The following ZNF99 variants were observed in gnomAD, a reference collection of about 807,000 sequenced individuals.
The protein encoded by ZNF99 is zinc finger protein 99.
A neutral mutation model predicts 12.8 loss-of-function variants in ZNF99; 8 were observed. The ratio of observed to expected loss-of-function variants is 0.62; its 90% CI spans 0.37 to 1.13. The LOEUF is 1.13. Among genes scored for constraint, ZNF99 ranks in the 50% most tolerant of loss-of-function variants. The pLI is 0.02. For synonymous variants in ZNF99, 318 were observed against 319.0 expected (o/e 1.00, Z 0.03); for missense variants, 1,007 against 1,006.2 (o/e 1.00, Z -0.01).
intron 1 of ZNF99, among the ~76,000 whole-genome samples, chr19:22,775,991 G>A (rs1231011217): frequency 6.6e-6 from 1 of 151,530 alleles, no homozygotes; most frequent in African/African-American, 2.4e-5. Context: ...CACTGCACTC[G>A]AGCCTAGGCA....
In ZNF99 at chr19:22,769,294, C is replaced by A; in HGVS notation, c.34G>T (p.Glu12Ter). 1 of 1,609,158 alleles carries A rather than the reference C, an allele frequency of 6.2e-7. No homozygotes were observed. The highest frequency in any genetic ancestry group is 8.5e-7 in the Non-Finnish European group (1 of 1,177,560). ...GSLTFWDVTIEFALEEWQCLD... is the reference protein window; with the variant it reads ...GSLTFWDVTI Reference sequence around the variant, plus strand: ...CATTGCCACTCCTCCAGAGCGAATTCTATGGTCACATCCCAAAATGTCAAC... The same window carrying A: ...CATTGCCACTCCTCCAGAGCGAATTATATGGTCACATCCCAAAATGTCAAC... Residue 12 changes from glutamate (E) to a stop codon, truncating the protein, a stop_gained, in exon 2 of 4, where the codon GAA becomes TAA. Coordinates refer to ENST00000596209, the MANE Select transcript of ZNF99 (RefSeq NM_001080409.3). LOFTEE classifies it high-confidence loss of function.
intron 3 of ZNF99, among the ~76,000 whole-genome samples, chr19:22,764,514 T>C (rs564807222): frequency 1.4e-4 from 21 of 152,064 alleles, no homozygotes; most frequent in Non-Finnish European, 3.1e-4. Flanking sequence ...TAAAGAGCTT[T>C]TGCATGGCAA....
At chr19:22,769,444 G>A in intron 1 of ZNF99, 120 bp from the exon 2 acceptor site, 1 of 1,120,196 alleles carries the variant, frequency 8.9e-7, no homozygotes, top group Non-Finnish European at 1.2e-6. Flanking sequence ...AGGGATGACT[G>A]AACGTATTCA....
chr19:22,780,051 G>A (rs1017272689), intron 1 of ZNF99, among the ~76,000 whole-genome samples: 2 of 152,078 alleles, frequency 1.3e-5, no homozygotes, highest in Admixed American at 1.3e-4. Context: ...AGGGTTCTGT[G>A]GCTTCCCTCA....
rs1286073014 is a variant in ZNF99, at chr19:22,754,376, A to C, written c.*2938T>G. Reference sequence around the variant, plus strand: ...AGTGAGACTCCATTTCAAAAAAAAAAAAAAAACTTTGCCACATTCTTCACA... The same window carrying C: ...AGTGAGACTCCATTTCAAAAAAAAACAAAAAACTTTGCCACATTCTTCACA... On this transcript the variant is annotated 3_prime_UTR_variant, in exon 4 of 4. Coordinates refer to ENST00000596209, the MANE Select transcript of ZNF99 (RefSeq NM_001080409.3). The C allele has an allele frequency of 4.8e-6, 2 of 420,908 alleles. No individual in the cohort carries two copies. The highest frequency in any genetic ancestry group is 2.1e-5 in the African/African-American group (1 of 47,664). 26.1% of individuals were successfully genotyped at this position (420,908 alleles called of 1,614,324 possible).
At position 22,755,067 on chromosome 19, in the gene ZNF99, CTG is replaced by C. The variant is rs973072581; in HGVS notation, c.*2245_*2246del. ...GAGCCTGGGCAACTAGGGCGAAACT[CTG>C]TTTCAAAAAAAAAAAAAAAAAAATT... On this transcript the variant is annotated 3_prime_UTR_variant, in exon 4 of 4. Transcript: ENST00000596209. The C allele has an allele frequency of 1.5e-4, 12 of 80,174 alleles. No homozygotes were observed. Among genetic ancestry groups the C allele is most frequent in the African/African-American group, 7.0e-4 (10 of 14,288 alleles). The allele number at this position is 80,174 out of a possible 1,614,324, so 5.0% of individuals were successfully genotyped here. A position where few individuals can be genotyped will look rare whatever the true frequency, so the allele number is the denominator to read the frequency against.
At position 22,754,164 on chromosome 19, in the gene ZNF99, C is replaced by G. The variant is rs903446177; in HGVS notation, c.*3150G>C. 1 of 450,474 alleles carries G rather than the reference C, an allele frequency of 2.2e-6. No homozygotes were observed. Among genetic ancestry groups the G allele is most frequent in the East Asian group, 7.0e-5 (1 of 14,280 alleles). The allele number at this position is 450,474 out of a possible 1,614,324, so 27.9% of individuals were successfully genotyped here. ...GGTGGATCACTTGAGGTCAGGAGTT[C>G]AAAACCAGCCTGGTCAAAATGGTGA... On this transcript the variant is annotated 3_prime_UTR_variant, in exon 4 of 4. Transcript: ENST00000596209.
In ZNF99 at chr19:22,754,947, T is replaced by C. The variant is rs1973027651; in HGVS notation, c.*2367A>G. On this transcript the variant is annotated 3_prime_UTR_variant, in exon 4 of 4. Coordinates refer to ENST00000596209, the MANE Select transcript of ZNF99 (RefSeq NM_001080409.3). ...AGGTGGGCGTGGTGGCACATGCCTA[T>C]AGTCCCTGCTACTCGGGAGGCTGAG... 5.7e-6 allele frequency: 1 copy of C among 175,114 alleles called. No individual in the cohort carries two copies. The highest frequency in any genetic ancestry group is 1.3e-4 in the South Asian group (1 of 7,884). 10.8% of individuals were successfully genotyped at this position (175,114 alleles called of 1,614,324 possible).
intron 1 of ZNF99, among the ~76,000 whole-genome samples, chr19:22,783,078 G>C (rs1454188036): frequency 1.3e-5 from 2 of 151,948 alleles, no homozygotes; most frequent in African/African-American, 2.4e-5. Flanking sequence ...TCGGGAGTTC[G>C]AGACCAGCCT....
Position 22,757,573 on chromosome 19 carries a change from T to C in ZNF99, c.2336A>G (p.His779Arg), listed in dbSNP as rs756096543. 6 of 1,611,594 alleles carry C rather than the reference T, an allele frequency of 3.7e-6. No individual in the cohort carries two copies. The highest frequency in any genetic ancestry group is 3.4e-6 in the Non-Finnish European group (4 of 1,179,612). The change falls in exon 4 of 4, where the codon CAT becomes CGT. Residue 779 changes from histidine to arginine, a missense_variant. Physicochemically the swap from His to Arg is conservative, Grantham distance 29. Transcript: ENST00000596209. ...AFKHFSALRK[H>R]KIIHTGKKPY... ...TTTCTTTCCAGTATGAATTATCTTA[T>C]GTTTTCTAAGGGCTGAGAAATGCTT...
intron 1 of ZNF99, among the ~76,000 whole-genome samples, chr19:22,776,726 A>G (rs1486345536): frequency 1.0e-2 from 1,396 of 139,794 alleles, no homozygotes; most frequent in Middle Eastern, 0.018. Flanking sequence ...TTGGGTATAT[A>G]CCCAAAGAAA....
rs1972988277 is a variant in ZNF99 at position 22,752,813 on chromosome 19, TA to T, written c.*4500del. ...CAACTAATATAATACATCACTAATT[TA>T]ATTTTAATTTTAACTAAAATTTTAA... On this transcript the variant is annotated 3_prime_UTR_variant, in exon 4 of 4. Coordinates refer to ENST00000596209, the MANE Select transcript of ZNF99 (RefSeq NM_001080409.3). The T allele has an allele frequency of 6.6e-6, 1 of 151,846 alleles. No homozygotes were observed. Among genetic ancestry groups the T allele is most frequent in the Non-Finnish European group, 1.5e-5 (1 of 67,992 alleles). The allele number at this position is 151,846 out of a possible 1,614,324, so 9.4% of individuals were successfully genotyped here.
intron 1 of ZNF99, among the ~76,000 whole-genome samples, chr19:22,781,963 A>AT (rs1973392683): frequency 6.6e-6 from 1 of 152,026 alleles, no homozygotes; most frequent in African/African-American, 2.4e-5. Flanking sequence ...AAAAAAAAAA[A>AT]GCGGCACAAA....
rs771805794 is a variant in ZNF99 at position 22,756,983 on chromosome 19, TTA to T, written c.*329_*330del. 2.2e-5 allele frequency: 35 copies of T among 1,612,486 alleles called. No homozygotes were observed. In the African/African-American group the frequency reaches 3.2e-4, roughly 15 times the overall value. On this transcript the variant is annotated 3_prime_UTR_variant, in exon 4 of 4. Transcript: ENST00000596209. ...TGGTTTCTCCCCAGTATGAATTATC[TTA>T]TGTTTCCTAAGGGCTGAGAAATTGC... is the stretch of plus-strand genomic sequence containing the variant.
At chr19:22,779,666 A>G (rs961852936) in intron 1 of ZNF99, among the ~76,000 whole-genome samples, 2 of 152,174 alleles carry the variant, frequency 1.3e-5, no homozygotes, top group Admixed American at 1.3e-4. Context: ...GTCAACATAC[A>G]ACCTTATTTT....
intron 1 of ZNF99, among the ~76,000 whole-genome samples, chr19:22,769,739 C>T (rs763792740): frequency 7.0e-6 from 1 of 142,342 alleles, no homozygotes. Context: ...CCAGCCTGGG[C>T]GACAGAGCTA....
chr19:22,770,659 C>T (rs1973258227), intron 1 of ZNF99: 1 of 150,680 alleles, frequency 6.6e-6, no homozygotes, highest in South Asian at 2.1e-4. Flanking sequence ...ACAGCTCAGA[C>T]AGCACTTTAA....
rs770317753 is a variant in ZNF99, at chr19:22,769,268, G to A, written c.60C>T (p.Cys20=). The change falls in exon 2 of 4, where the codon TGC becomes TGT. Residue 20 remains cysteine (C), a synonymous_variant. Coordinates refer to ENST00000596209, the MANE Select transcript of ZNF99 (RefSeq NM_001080409.3). ...TIEFALEEWQ[C]LDMAQQNLYR... The stretch of plus-strand genomic sequence containing the variant: ...ATAAATTCTGCTGAGCCATGTCCAG[G>A]CATTGCCACTCCTCCAGAGCGAATT... The A allele has an allele frequency of 1.1e-5, 17 of 1,610,234 alleles. No homozygotes were observed. The Admixed American group carries it at 2.8e-4, about 27-fold the overall frequency.
At position 22,758,688 on chromosome 19, in the gene ZNF99, C is replaced by CT. The variant is rs1973109884; in HGVS notation, c.1220dup (p.Trp408ValfsTer9). 1 of 1,611,914 alleles carries CT rather than the reference C, an allele frequency of 6.2e-7. No individual in the cohort carries two copies. Among genetic ancestry groups the CT allele is most frequent in the Admixed American group, 1.7e-5 (1 of 59,888 alleles). ...TATGTACAGTAAGTTTTGAGGACCA[C>CT]TTAAAAGCTTTACCACATTCTTCAC... On this transcript the variant is annotated frameshift_variant, in exon 4 of 4. Coordinates refer to ENST00000596209, the MANE Select transcript of ZNF99 (RefSeq NM_001080409.3). LOFTEE classifies it low-confidence loss of function (END_TRUNC).
Sources: allele counts gnomAD v4.1 joint callset (sites outside exome capture counted in the v4.1 genomes callset), GRCh38; gene constraint gnomAD v4.1.1; transcripts MANE v1.5; gene names NCBI Gene and HGNC (gene_info 2026-07-23, HGNC 2026-07-21).